Variants in AUTS2 observed in about 807,000 individuals in gnomAD.
AUTS2 encodes the protein activator of transcription and developmental regulator AUTS2.
Under a neutral mutation model 112.4 loss-of-function variants are expected in AUTS2, and 17 were observed. The observed-to-expected ratio is 0.15, with a 90% CI of 0.10 to 0.23. AUTS2 has a LOEUF of 0.23. AUTS2 is among the 10% of genes least tolerant of loss of function. The pLI is 1.00. For missense variants in AUTS2, 1,510 were observed against 1,701.6 expected, an observed-to-expected ratio of 0.89 and a Z score of 1.98; for synonymous variants, 751 against 702.7, an observed-to-expected ratio of 1.07 and a Z score of -1.09.
At chr7:69,858,736 A>T (rs1325570944) in intron 1 of AUTS2, among the ~76,000 whole-genome samples, 2 of 152,180 alleles carry the variant, frequency 1.3e-5, no homozygotes, top group African/African-American at 4.8e-5. Context: ...AAAGAATAGG[A>T]ACAACTGGGG....
At chr7:69,674,726 G>A (rs1796480657) in intron 1 of AUTS2, among the ~76,000 whole-genome samples, 1 of 152,182 alleles carries the variant, frequency 6.6e-6, no homozygotes, top group Non-Finnish European at 1.5e-5. Context: ...ATGAAATTGA[G>A]GTATTCAGTG....
chr7:70,540,854 G>C (rs1423141493), intron 5 of AUTS2, among the ~76,000 whole-genome samples: 1 of 152,166 alleles, frequency 6.6e-6, no homozygotes, highest in Non-Finnish European at 1.5e-5. Context: ...ACTCAGGAAA[G>C]GTTGTCTAAT....
At chr7:70,165,870 T>TA (rs1281584400) in intron 4 of AUTS2, among the ~76,000 whole-genome samples, 1 of 152,198 alleles carries the variant, frequency 6.6e-6, no homozygotes, top group African/African-American at 2.4e-5. Flanking sequence ...CCAAATCTCA[T>TA]TTCAAATTGT....
intron 5 of AUTS2, among the ~76,000 whole-genome samples, chr7:70,520,636 A>G (rs1799604594): frequency 6.6e-6 from 1 of 152,212 alleles, no homozygotes; most frequent in African/African-American, 2.4e-5. Flanking sequence ...CCTTCGCAGT[A>G]CTTTCTGAGA....
intron 2 of AUTS2, among the ~76,000 whole-genome samples, chr7:69,991,913 A>C (rs1346417486): frequency 3.3e-5 from 5 of 152,198 alleles, no homozygotes; most frequent in African/African-American, 1.2e-4. Flanking sequence ...TATGTATCTG[A>C]GGGTAGAACA....
intron 2 of AUTS2, among the ~76,000 whole-genome samples, chr7:70,073,078 T>G: frequency 9.9e-6 from 1 of 100,718 alleles, no homozygotes; most frequent in Admixed American, 1.3e-4. Flanking sequence ...TCCCCTCTCC[T>G]CCCCTCCTTT....
intron 14 of AUTS2, among the ~76,000 whole-genome samples, chr7:70,780,797 A>AAGTT (rs779389610): frequency 6.6e-6 from 1 of 152,190 alleles, no homozygotes; most frequent in South Asian, 2.1e-4. Context: ...GATCATTTGA[A>AAGTT]AGTTAGCTTA....
At chr7:69,614,369 T>TTCTTTCTTTCCTTTCTTTTC (rs1793240837) in intron 1 of AUTS2, among the ~76,000 whole-genome samples, 1 of 25,102 alleles carries the variant, frequency 4.0e-5, no homozygotes, top group Non-Finnish European at 1.1e-4. Context: ...TCTTTCTTTT[T>TTCTTTCTTTCCTTTCTTTTC]TTAAGAGATG....
At chr7:69,636,486 CCCCCCCCTTG>C in intron 1 of AUTS2, among the ~76,000 whole-genome samples, 3 of 82,352 alleles carry the variant, frequency 3.6e-5, no homozygotes, top group African/African-American at 1.4e-4. Context: ...CCGCGCCCCC[CCCCCCCCTTG>C]GCCTCCCAAA....
At chr7:70,309,159 T>A (rs945461498) in intron 4 of AUTS2, among the ~76,000 whole-genome samples, 1 of 152,326 alleles carries the variant, frequency 6.6e-6, no homozygotes, top group East Asian at 1.9e-4. Flanking sequence ...TAAGAATTAG[T>A]GGGGTCAGTT....
At chr7:69,682,131 T>G in intron 1 of AUTS2, among the ~76,000 whole-genome samples, 1 of 152,370 alleles carries the variant, frequency 6.6e-6, no homozygotes, top group Non-Finnish European at 1.5e-5. Flanking sequence ...ATTATGATGG[T>G]GGTAAATGAG....
At chr7:70,728,966 A>G (rs1228757830) in intron 6 of AUTS2, among the ~76,000 whole-genome samples, 1 of 152,100 alleles carries the variant, frequency 6.6e-6, no homozygotes, top group Middle Eastern at 3.2e-3. Context: ...TACTCAGTGA[A>G]CAGCGCTCTC....
chr7:69,937,754 A>G (rs766141027), intron 2 of AUTS2, among the ~76,000 whole-genome samples: 4 of 152,164 alleles, frequency 2.6e-5, no homozygotes, highest in Non-Finnish European at 5.9e-5. Context: ...TGAAGAGAAG[A>G]CCGTGATGCC....
At chr7:69,712,546 A>T (rs1430204604) in intron 1 of AUTS2, among the ~76,000 whole-genome samples, 1 of 152,172 alleles carries the variant, frequency 6.6e-6, no homozygotes, top group Non-Finnish European at 1.5e-5. Flanking sequence ...GTTGTAGTGT[A>T]TATTGATAAT....
At chr7:70,671,309 C>G (rs1193810141) in intron 5 of AUTS2, among the ~76,000 whole-genome samples, 1 of 152,226 alleles carries the variant, frequency 6.6e-6, no homozygotes, top group Non-Finnish European at 1.5e-5. Flanking sequence ...TCATAGCCTT[C>G]ATAAAATGAC....
chr7:69,939,209 A>G (rs919557061), intron 2 of AUTS2, among the ~76,000 whole-genome samples: 4 of 152,206 alleles, frequency 2.6e-5, no homozygotes, highest in African/African-American at 9.6e-5. Context: ...CATGTGAACA[A>G]TGAATTTGGT....
At chr7:70,767,477 T>G (rs76649140) in intron 9 of AUTS2, among the ~76,000 whole-genome samples, 95 of 152,276 alleles carry the variant, frequency 6.2e-4, no homozygotes, top group African/African-American at 2.2e-3. Flanking sequence ...ACAAATAAAT[T>G]TAACCAAAGG....
chr7:70,243,749 C>G (rs1192138924), intron 4 of AUTS2, among the ~76,000 whole-genome samples: 1 of 152,104 alleles, frequency 6.6e-6, no homozygotes, highest in Non-Finnish European at 1.5e-5. Context: ...ATTCACACAT[C>G]ATCACCAAAA....
At chr7:69,777,843 T>C (rs1788962926) in intron 1 of AUTS2, among the ~76,000 whole-genome samples, 1 of 152,142 alleles carries the variant, frequency 6.6e-6, no homozygotes, top group South Asian at 2.1e-4. Flanking sequence ...TGGGAGGGCG[T>C]TGGCCTTTAA....
Sources: allele counts gnomAD v4.1 joint callset (sites outside exome capture counted in the v4.1 genomes callset), GRCh38; gene constraint gnomAD v4.1.1; transcripts MANE v1.5; gene names NCBI Gene and HGNC (gene_info 2026-07-23, HGNC 2026-07-21).